The following MYOF variants were observed in gnomAD, a reference collection of about 807,000 sequenced individuals.
MYOF encodes myoferlin, also known as fer-1-like 3, myoferlin.
Under a neutral mutation model 284.2 loss-of-function variants are expected in MYOF, and 244 were observed. The observed-to-expected ratio is 0.86, with a 90% confidence interval of 0.77 to 0.95. The LOEUF is 0.95. MYOF is among the 40% of genes least tolerant of loss of function. MYOF has a pLI of 0.00. For synonymous variants in MYOF, 904 were observed against 919.7 expected (o/e 0.98, Z 0.31); for missense variants, 2,496 against 2,560.6 (o/e 0.97, Z 0.54).
chr10:93,480,317 G>C (rs909187301), intron 1 of MYOF, among the ~76,000 whole-genome samples: 4 of 152,158 alleles, frequency 2.6e-5, no homozygotes, highest in Non-Finnish European at 4.4e-5. Flanking sequence ...TTGGGAAGCT[G>C]AGATGGGAAG....
intron 7 of MYOF, among the ~76,000 whole-genome samples, chr10:93,408,425 G>A (rs575465934): frequency 6.6e-6 from 1 of 151,522 alleles, no homozygotes; most frequent in Non-Finnish European, 1.5e-5. Context: ...TAATCCCAGC[G>A]ACTTGGGAGG....
At chr10:93,478,169 T>C in intron 1 of MYOF, 2 of 280,708 alleles carry the variant, frequency 7.1e-6, no homozygotes, top group Non-Finnish European at 1.4e-5. Flanking sequence ...ATTAAAAAGT[T>C]TTTTAACAAC....
intron 37 of MYOF, among the ~76,000 whole-genome samples, chr10:93,346,725 G>C (rs1276794163): frequency 6.6e-6 from 1 of 152,194 alleles, no homozygotes; most frequent in Non-Finnish European, 1.5e-5. Context: ...GGAGCTTCCT[G>C]TTTTCCCCAT....
intron 45 of MYOF, among the ~76,000 whole-genome samples, chr10:93,328,098 A>C (rs544700272): frequency 6.6e-6 from 1 of 152,230 alleles, no homozygotes; most frequent in African/African-American, 2.4e-5. Context: ...CAATGTCACG[A>C]ATCAAGCTGA....
chr10:93,457,069 G>A (rs1220827785), intron 1 of MYOF, 132 bp from the exon 2 acceptor site: 2 of 652,190 alleles, frequency 3.1e-6, no homozygotes, highest in East Asian at 2.7e-5. Flanking sequence ...CGCTTAGGAT[G>A]GGTGTTTACC....
At chr10:93,463,812 C>G (rs2056940755) in intron 1 of MYOF, among the ~76,000 whole-genome samples, 1 of 148,750 alleles carries the variant, frequency 6.7e-6, no homozygotes, top group Admixed American at 6.8e-5. Context: ...GTCAAGGCTG[C>G]AGTGGCCACA....
At chr10:93,314,044 C>T (rs1183615852) in intron 50 of MYOF, among the ~76,000 whole-genome samples, 1 of 152,176 alleles carries the variant, frequency 6.6e-6, no homozygotes, top group Non-Finnish European at 1.5e-5. Flanking sequence ...GACTCCTAGC[C>T]TCAATCAGAG....
At chr10:93,376,252 G>A (rs1309289309) in intron 22 of MYOF, among the ~76,000 whole-genome samples, 1 of 152,148 alleles carries the variant, frequency 6.6e-6, no homozygotes, top group Non-Finnish European at 1.5e-5. Flanking sequence ...GTATTTGAAG[G>A]GTTAATTCCC....
rs750938032 is a variant in MYOF at position 93,408,950 on chromosome 10, T to C, written c.601-35A>G. The stretch of plus-strand genomic sequence containing the variant: ...AGAAGGGGGATGGTTACCCAACCTT[T>C]CCCAGCACGTGGGATCCTTAGGATC... On this transcript the variant is annotated intron_variant, in intron 6 of 53. Transcript: ENST00000359263. The C allele has an allele frequency of 1.4e-5, 22 of 1,612,662 alleles. No individual in the cohort carries two copies. In the Admixed American group the frequency reaches 2.0e-4, roughly 15 times the overall value.
chr10:93,421,241 G>T (rs1396217430), intron 5 of MYOF, among the ~76,000 whole-genome samples: 1 of 151,946 alleles, frequency 6.6e-6, no homozygotes, highest in African/African-American at 2.4e-5. Context: ...AAGAAAGAAA[G>T]TTAATTGAAG....
intron 25 of MYOF, among the ~76,000 whole-genome samples, chr10:93,369,275 G>GTGTGTGTGTA (rs1424054218): frequency 1.1e-4 from 16 of 151,926 alleles, no homozygotes; most frequent in African/African-American, 3.9e-4. Flanking sequence ...GTGTGTGTGT[G>GTGTGTGTGTA]TATACTCTAC....
Position 93,402,853 on chromosome 10 carries a change from T to C in MYOF, c.874+7A>G. On this transcript the variant is annotated splice_region_variant and intron_variant, in intron 10 of 53. Coordinates refer to ENST00000359263, the MANE Select transcript of MYOF (RefSeq NM_013451.4). ...GACTTCATATTGATGGGGAGAACAT[T>C]ACTTACCAGGTTCATCATAAACAAA... is the stretch of plus-strand genomic sequence containing the variant. 6.2e-7 allele frequency: 1 copy of C among 1,609,476 alleles called. No homozygotes were observed. The highest frequency in any genetic ancestry group is 8.5e-7 in the Non-Finnish European group (1 of 1,175,988).
chr10:93,396,237 T>C lies in MYOF; in HGVS notation c.1335-13A>G, dbSNP rs1421589415. On this transcript the variant is annotated splice_polypyrimidine_tract_variant and intron_variant, in intron 15 of 53. Transcript: ENST00000359263. Reference sequence around the variant, plus strand: ...AGTAAGACGGTCCCTGTGTAAAAAATAAAAATAAAAAAATAAAAAATAAAA... The same window carrying C: ...AGTAAGACGGTCCCTGTGTAAAAAACAAAAATAAAAAAATAAAAAATAAAA... The C allele has an allele frequency of 6.5e-7, 1 of 1,544,284 alleles. No homozygotes were observed. The highest frequency in any genetic ancestry group is 8.8e-7 in the Non-Finnish European group (1 of 1,138,210).
intron 29 of MYOF, among the ~76,000 whole-genome samples, chr10:93,358,902 G>A (rs1432734710): frequency 6.6e-6 from 1 of 151,684 alleles, no homozygotes; most frequent in African/African-American, 2.4e-5. Flanking sequence ...ATTTACCTGT[G>A]TAACAAACCT....
rs73317508 is a variant in MYOF, at chr10:93,338,499, A to G, written c.4339-586T>C. On this transcript the variant is annotated intron_variant, in intron 39 of 53. Transcript: ENST00000359263. ...AATGCAATAATAACACAATGGACAAAGCATTCACATGCTGCCTTCATCTAC... is the reference window on the plus strand; with the variant it reads ...AATGCAATAATAACACAATGGACAAGGCATTCACATGCTGCCTTCATCTAC... 2,431 of 456,934 alleles carry G rather than the reference A, an allele frequency of 5.3e-3. 64 individuals are homozygous for G. Among genetic ancestry groups the G allele is most frequent in the African/African-American group, 0.045 (2,272 of 50,196 alleles). 28.3% of individuals were successfully genotyped at this position (456,934 alleles called of 1,614,324 possible).
intron 13 of MYOF, 135 bp downstream of exon 13, chr10:93,399,257 T>C: frequency 1.6e-6 from 1 of 639,514 alleles, no homozygotes; most frequent in Non-Finnish European, 2.7e-6. Context: ...ACTCAGATAA[T>C]CTGTGTTCCC....
rs755460626 is a variant in MYOF, at chr10:93,361,463, A to G, written c.2963T>C (p.Val988Ala). The change falls in exon 28 of 54, where the codon GTG becomes GCG. Residue 988 changes from valine to alanine, a missense_variant. Physicochemically the swap from Val to Ala is moderately conservative, Grantham distance 64 (BLOSUM62 0). Coordinates refer to ENST00000359263, the MANE Select transcript of MYOF (RefSeq NM_013451.4). ...DAWSYDINRA[V>A]DEKGWEYGIT... The stretch of plus-strand genomic sequence containing the variant: ...ATGTACAATGTTACCTTTCTCATCC[A>G]CCGCTCGATTTATGTCATAAGACCA... 7.4e-6 allele frequency: 12 copies of G among 1,613,872 alleles called. No individual in the cohort carries two copies. The highest frequency in any genetic ancestry group is 1.3e-5 in the African/African-American group (1 of 74,888).
chr10:93,356,669 A>T lies in MYOF; in HGVS notation c.3294+6T>A. The T allele has an allele frequency of 6.2e-7, 1 of 1,611,728 alleles. No individual in the cohort carries two copies. The highest frequency in any genetic ancestry group is 8.5e-7 in the Non-Finnish European group (1 of 1,179,104). ...ATGATCTGCGCTCTGGCAACCTAGT[A>T]CTTACAAGGGCACCTTCAAGTTTAA... On this transcript the variant is annotated splice_donor_region_variant and intron_variant, in intron 30 of 53. Transcript: ENST00000359263.
At chr10:93,398,090 A>G (rs1174046696) in intron 13 of MYOF, among the ~76,000 whole-genome samples, 3 of 152,234 alleles carry the variant, frequency 2.0e-5, no homozygotes, top group South Asian at 2.1e-4. Context: ...ATAAAGCCCC[A>G]ATCCTTCCCT....
Sources: allele counts gnomAD v4.1 joint callset (sites outside exome capture counted in the v4.1 genomes callset), GRCh38; gene constraint gnomAD v4.1.1; transcripts MANE v1.5; gene names NCBI Gene and HGNC (gene_info 2026-07-23, HGNC 2026-07-21).